Variants in TMEM132D observed in about 807,000 individuals in gnomAD.
The protein encoded by TMEM132D is mature OL transmembrane protein.
TMEM132D carries 21 observed loss-of-function variants against 62.3 expected under a neutral mutation model. That is an observed-to-expected ratio of 0.34 (90% CI 0.24 to 0.49). The LOEUF (loss-of-function observed/expected upper bound fraction) is 0.49, where lower values mean the gene tolerates loss of function less well. Among genes scored for constraint, TMEM132D ranks in the 20% least tolerant of loss-of-function variants. The probability of loss-of-function intolerance (pLI) is 0.99; values close to 1 mark genes in which losing one functional copy is unlikely to be tolerated. For synonymous variants in TMEM132D, 621 were observed against 575.6 expected, an observed-to-expected ratio of 1.08 and a Z score of -1.13; for missense variants, 1,346 against 1,402.8, an observed-to-expected ratio of 0.96 and a Z score of 0.65.
At chr12:129,858,938 G>T (rs1873786264) in intron 1 of TMEM132D, among the ~76,000 whole-genome samples, 1 of 128,176 alleles carries the variant, frequency 7.8e-6, no homozygotes, top group South Asian at 2.4e-4. Flanking sequence ...CGGAGTCCGG[G>T]GGAACGGGAT....
chr12:129,356,317 C>T (rs1161622746), intron 3 of TMEM132D, among the ~76,000 whole-genome samples: 2 of 70,078 alleles, frequency 2.9e-5, no homozygotes, highest in African/African-American at 1.3e-4. Flanking sequence ...CCACTACGCC[C>T]GGCTAATTTT....
At chr12:129,362,271 A>G (rs1870271826) in intron 3 of TMEM132D, among the ~76,000 whole-genome samples, 1 of 151,994 alleles carries the variant, frequency 6.6e-6, no homozygotes, top group Middle Eastern at 3.2e-3. Flanking sequence ...ATACCTATTA[A>G]TCCTGGTTAA....
chr12:129,838,314 C>A (rs1016742381), intron 1 of TMEM132D, among the ~76,000 whole-genome samples: 3 of 152,218 alleles, frequency 2.0e-5, no homozygotes, highest in Admixed American at 6.5e-5. Context: ...TTCCAACTCT[C>A]TTCCGAAAAA....
chr12:129,691,072 C>A (rs951728367), intron 2 of TMEM132D, among the ~76,000 whole-genome samples: 2 of 151,908 alleles, frequency 1.3e-5, no homozygotes, highest in South Asian at 2.1e-4. Flanking sequence ...ATTAAAAACA[C>A]ACTTCTCAAT....
At chr12:129,614,077 C>T (rs1462212670) in intron 2 of TMEM132D, among the ~76,000 whole-genome samples, 1 of 137,894 alleles carries the variant, frequency 7.3e-6, no homozygotes, top group Non-Finnish European at 1.6e-5. Flanking sequence ...GGGACTGTCT[C>T]CAGGACCCAG....
intron 2 of TMEM132D, among the ~76,000 whole-genome samples, chr12:129,565,886 C>T (rs1877354345): frequency 6.6e-6 from 1 of 152,238 alleles, no homozygotes; most frequent in Non-Finnish European, 1.5e-5. Context: ...AGCACACTCA[C>T]AATGTGAGAA....
intron 5 of TMEM132D, among the ~76,000 whole-genome samples, chr12:129,165,954 C>T (rs1877534705): frequency 1.3e-5 from 2 of 152,186 alleles, no homozygotes; most frequent in African/African-American, 4.8e-5. Context: ...CTGGGTTATC[C>T]TGTTTATATG....
At chr12:129,723,387 G>A (rs1054618972) in intron 1 of TMEM132D, among the ~76,000 whole-genome samples, 40 of 152,046 alleles carry the variant, frequency 2.6e-4, no homozygotes, top group African/African-American at 8.0e-4. Context: ...CCCCTCCTCC[G>A]CCCTGCTCTG....
intron 4 of TMEM132D, among the ~76,000 whole-genome samples, chr12:129,301,563 T>C (rs549147481): frequency 1.3e-5 from 2 of 152,288 alleles, no homozygotes; most frequent in East Asian, 3.9e-4. Context: ...CACACACATG[T>C]AGGCAAGAAT....
At chr12:129,316,090 A>G (rs1446408309) in intron 4 of TMEM132D, among the ~76,000 whole-genome samples, 5 of 152,048 alleles carry the variant, frequency 3.3e-5, no homozygotes, top group African/African-American at 1.2e-4. Flanking sequence ...TCAAAGAACC[A>G]GCTTTTTGTT....
At position 129,803,591 on chromosome 12, in the gene TMEM132D, AGATCCAAAATT is replaced by A. The variant is rs1483472930; in HGVS notation, c.79+99659_79+99669del. 8.7e-4 allele frequency among the ~76,000 whole-genome samples: 131 copies of A among 150,372 alleles called. 3 individuals carry two copies. The highest frequency in any genetic ancestry group is 3.0e-3 in the African/African-American group (121 of 40,984). On this transcript the variant is annotated intron_variant, in intron 1 of 8. Transcript: ENST00000422113. ...AAATGCCCACAAGAGAAAGCAGGAA[AGATCCAAAATT>A]GACACCCTAACATCACAATTAAAAG... is the stretch of plus-strand genomic sequence containing the variant.
chr12:129,308,397 A>T lies in TMEM132D; in HGVS notation c.1299+29237T>A, dbSNP rs971311906. On this transcript the variant is annotated intron_variant, in intron 4 of 8. Coordinates refer to ENST00000422113, the MANE Select transcript of TMEM132D (RefSeq NM_133448.3). ...AGAAAACTCTACAAAGGATTTTTTG[A>T]TGTGAAAGGAATCTAATTTGCATTT... is the stretch of plus-strand genomic sequence containing the variant. Among the ~76,000 whole-genome samples the T allele has an allele frequency of 3.3e-5, 5 of 152,192 alleles. No homozygotes were observed. In the South Asian group the frequency reaches 8.3e-4, roughly 25 times the overall value.
At chr12:129,789,842 C>T (rs528305754) in intron 1 of TMEM132D, among the ~76,000 whole-genome samples, 1 of 152,286 alleles carries the variant, frequency 6.6e-6, no homozygotes, top group African/African-American at 2.4e-5. Flanking sequence ...TGCTCTGTAA[C>T]CTTTCTAAAT....
At chr12:129,400,255 C>T (rs1474329628) in intron 3 of TMEM132D, among the ~76,000 whole-genome samples, 1 of 152,068 alleles carries the variant, frequency 6.6e-6, no homozygotes, top group Admixed American at 6.6e-5. Flanking sequence ...AGTATCCAGT[C>T]GCAGACACAT....
At chr12:129,865,827 A>G (rs999671607) in intron 1 of TMEM132D, among the ~76,000 whole-genome samples, 6 of 152,188 alleles carry the variant, frequency 3.9e-5, no homozygotes, top group African/African-American at 1.4e-4. Flanking sequence ...AGGCAAGGGA[A>G]CAGGGGTACA....
chr12:129,456,958 G>A (rs1341389907), intron 3 of TMEM132D, among the ~76,000 whole-genome samples: 1 of 152,166 alleles, frequency 6.6e-6, no homozygotes, highest in African/African-American at 2.4e-5. Flanking sequence ...TGGAGAGGAT[G>A]TGGAGAAATA....
At chr12:129,192,795 G>A (rs1015596022) in intron 5 of TMEM132D, among the ~76,000 whole-genome samples, 3 of 152,232 alleles carry the variant, frequency 2.0e-5, no homozygotes, top group African/African-American at 7.2e-5. Context: ...GGTGGTAGCT[G>A]GGCGCCTCGT....
chr12:129,903,387 C>G lies in TMEM132D; in HGVS notation c.-48G>C. The stretch of plus-strand genomic sequence containing the variant: ...CCTCCGCTCCCCGGCGCCGTCCAGG[C>G]GAACAAGAGACCGTCTCAGTCCCCT... On this transcript the variant is annotated 5_prime_UTR_variant, in exon 1 of 9. Coordinates refer to ENST00000422113, the MANE Select transcript of TMEM132D (RefSeq NM_133448.3). The surrounding 1 kb of genome is among the most constrained non-coding windows in gnomAD (Gnocchi z 6.2). 6.5e-7 allele frequency: 1 copy of G among 1,539,476 alleles called. No homozygotes were observed. Among genetic ancestry groups the G allele is most frequent in the Non-Finnish European group, 8.8e-7 (1 of 1,136,582 alleles).
At chr12:129,781,778 A>G (rs1008100073) in intron 1 of TMEM132D, among the ~76,000 whole-genome samples, 1 of 152,218 alleles carries the variant, frequency 6.6e-6, no homozygotes, top group Admixed American at 6.5e-5. Context: ...CTTCACTGAG[A>G]TCCAACAGAG....
Sources: allele counts gnomAD v4.1 joint callset (sites outside exome capture counted in the v4.1 genomes callset), GRCh38; gene constraint gnomAD v4.1.1; non-coding constraint Gnocchi (gnomAD v3.1); transcripts MANE v1.5; gene names NCBI Gene and HGNC (gene_info 2026-07-23, HGNC 2026-07-21).